The following GAD2 variants were observed in gnomAD, a reference collection of about 807,000 sequenced individuals.
GAD2 encodes 65 kDa glutamic acid decarboxylase.
In GAD2, 22 loss-of-function variants were observed where a neutral mutation model predicts 80.1. That is an observed-to-expected ratio of 0.27 (90% CI 0.20 to 0.39). The LOEUF is 0.39. GAD2 is among the 10% of genes least tolerant of loss of function. The pLI is 1.00. For synonymous variants in GAD2, 274 were observed against 256.9 expected, an observed-to-expected ratio of 1.07 and a Z score of -0.64; for missense variants, 624 against 738.4, an observed-to-expected ratio of 0.85 and a Z score of 1.80.
At chr10:26,300,555 G>A (rs901830004) in intron 15 of GAD2, among the ~76,000 whole-genome samples, 1 of 152,050 alleles carries the variant, frequency 6.6e-6, no homozygotes, top group Non-Finnish European at 1.5e-5. Flanking sequence ...CAAGGTGGCA[G>A]GCAGCTGATA....
intron 7 of GAD2, among the ~76,000 whole-genome samples, chr10:26,235,207 A>G (rs1202205812): frequency 6.6e-6 from 1 of 152,128 alleles, no homozygotes; most frequent in African/African-American, 2.4e-5. Context: ...TTCCTGATCT[A>G]CTGAACCAGG....
At chr10:26,275,864 C>T (rs1845194898) in intron 11 of GAD2, among the ~76,000 whole-genome samples, 1 of 152,176 alleles carries the variant, frequency 6.6e-6, no homozygotes, top group Admixed American at 6.5e-5. Flanking sequence ...CATTCTCATA[C>T]AAAATGGCAC....
intron 7 of GAD2, among the ~76,000 whole-genome samples, chr10:26,244,983 C>A (rs1181111648): frequency 6.6e-6 from 1 of 151,832 alleles, no homozygotes; most frequent in African/African-American, 2.4e-5. Flanking sequence ...GAAACCCTGT[C>A]TCTACTAAAA....
chr10:26,295,508 G>GCACACACA (rs61216190), intron 15 of GAD2, among the ~76,000 whole-genome samples: 4,724 of 133,818 alleles, frequency 0.035, 166 homozygotes, highest in African/African-American at 0.071. Context: ...TCATACGCAT[G>GCACACACA]CACACACACA....
In GAD2 at chr10:26,237,268, A is replaced by T. The variant is rs149815147; in HGVS notation, c.840+7491A>T. On this transcript the variant is annotated intron_variant, in intron 7 of 15. Transcript: ENST00000376261. ...AGTGCCAGGTCAAAAGTGGCTGAAC[A>T]GACTTATTGTTCTCCAGGTTAGTGA... Among the ~76,000 whole-genome samples, 321 of 152,260 alleles carry T rather than the reference A, an allele frequency of 2.1e-3. 3 individuals carry two copies. Among genetic ancestry groups the T allele is most frequent in the African/African-American group, 7.6e-3 (314 of 41,560 alleles).
chr10:26,232,258 G>A (rs1453459612), intron 7 of GAD2, among the ~76,000 whole-genome samples: 1 of 151,834 alleles, frequency 6.6e-6, no homozygotes, highest in Non-Finnish European at 1.5e-5. Context: ...TTTTTCTTTT[G>A]GCTTCCAAGC....
intron 11 of GAD2, among the ~76,000 whole-genome samples, chr10:26,279,275 C>A (rs1564669697): frequency 6.6e-6 from 1 of 151,718 alleles, no homozygotes; most frequent in Non-Finnish European, 1.5e-5. Context: ...GAATCTGGGG[C>A]CTTAAAAAAT....
chr10:26,276,843 C>T (rs1845213657), intron 11 of GAD2, among the ~76,000 whole-genome samples: 1 of 152,222 alleles, frequency 6.6e-6, no homozygotes, highest in African/African-American at 2.4e-5. Flanking sequence ...CACTCCTGCC[C>T]TGAGAGCCAG....
chr10:26,272,623 G>A (rs1323123497), intron 10 of GAD2, among the ~76,000 whole-genome samples: 1 of 152,196 alleles, frequency 6.6e-6, no homozygotes. Context: ...CAGCACTTTG[G>A]GAGGCTGAGG....
At chr10:26,216,677 C>T, upstream of GAD2, 1 of 552,590 alleles carries the variant, frequency 1.8e-6, no homozygotes, top group Non-Finnish European at 3.0e-6. This position sits in a 1 kb window ranked among gnomAD's most constrained non-coding sequence, Gnocchi z 4.7. Flanking sequence ...CCGCCCTCGC[C>T]GCTCGGCCCC....
chr10:26,230,159 C>G (rs1238433581), intron 7 of GAD2, among the ~76,000 whole-genome samples: 1 of 151,880 alleles, frequency 6.6e-6, no homozygotes, highest in Non-Finnish European at 1.5e-5. Flanking sequence ...AAGAGCAAGA[C>G]CCTGTCTAAA....
chr10:26,293,876 G>A (rs1834245797), intron 15 of GAD2, among the ~76,000 whole-genome samples: 1 of 152,190 alleles, frequency 6.6e-6, no homozygotes, highest in South Asian at 2.1e-4. Flanking sequence ...GGGAAGGATT[G>A]TCCACCCATC....
chr10:26,255,385 G>A (rs1844930520), intron 8 of GAD2, among the ~76,000 whole-genome samples: 1 of 152,156 alleles, frequency 6.6e-6, no homozygotes, highest in Admixed American at 6.5e-5. Flanking sequence ...ATTTGCAGTG[G>A]GTTGGGGTGA....
chr10:26,260,583 G>A (rs1192615384), intron 8 of GAD2, among the ~76,000 whole-genome samples: 6 of 152,134 alleles, frequency 3.9e-5, no homozygotes, highest in Admixed American at 2.0e-4. Flanking sequence ...AGCCAAGATC[G>A]AGCCACTGCA....
At chr10:26,223,157 G>A (rs1325245528) in intron 4 of GAD2, among the ~76,000 whole-genome samples, 1 of 152,186 alleles carries the variant, frequency 6.6e-6, no homozygotes, top group Non-Finnish European at 1.5e-5. Flanking sequence ...ATATCTTTCT[G>A]TATCTTGTTG....
At chr10:26,290,343 G>T (rs1043944912) in intron 13 of GAD2, among the ~76,000 whole-genome samples, 7 of 152,198 alleles carry the variant, frequency 4.6e-5, no homozygotes, top group African/African-American at 1.7e-4. Context: ...TTAAAGGACG[G>T]AGAGCTCATT....
Position 26,256,259 on chromosome 10 carries a change from T to TAG in GAD2, c.920+10260_920+10261insGA, listed in dbSNP as rs543073063. Among the ~76,000 whole-genome samples, 373 of 151,482 alleles carry TAG rather than the reference T, an allele frequency of 2.5e-3. 2 individuals carry two copies. The highest frequency in any genetic ancestry group is 3.7e-3 in the Non-Finnish European group (253 of 67,872). The stretch of plus-strand genomic sequence containing the variant: ...TGTATATATGCATATTATATATATA[T>TAG]ATAGAGAGAGAACCATTTGCAAGCT... On this transcript the variant is annotated intron_variant, in intron 8 of 15. Coordinates refer to ENST00000376261, the MANE Select transcript of GAD2 (RefSeq NM_001134366.2).
intron 12 of GAD2, among the ~76,000 whole-genome samples, chr10:26,284,878 T>A (rs959371677): frequency 1.3e-5 from 2 of 152,134 alleles, no homozygotes; most frequent in Non-Finnish European, 2.9e-5. Flanking sequence ...CATCCAGGTT[T>A]TTTAGGGCTC....
At chr10:26,270,908 A>G in intron 10 of GAD2, 152 bp downstream of exon 10, 2 of 684,312 alleles carry the variant, frequency 2.9e-6, no homozygotes, top group Non-Finnish European at 5.2e-6. Flanking sequence ...GAAGCAAATT[A>G]GCACACAACT....
Sources: allele counts gnomAD v4.1 joint callset (sites outside exome capture counted in the v4.1 genomes callset), GRCh38; gene constraint gnomAD v4.1.1; non-coding constraint Gnocchi (gnomAD v3.1); transcripts MANE v1.5; gene names NCBI Gene and HGNC (gene_info 2026-07-23, HGNC 2026-07-21).